ZYG11B: variants seen among roughly 807,000 people sequenced by gnomAD.
ZYG11B encodes the protein protein zyg-11 homolog B.
Under a neutral mutation model 82.4 loss-of-function variants are expected in ZYG11B, and 36 were observed. The observed-to-expected ratio is 0.44, with a 90% CI of 0.33 to 0.58. The LOEUF is 0.58. Ranked by LOEUF, ZYG11B falls within the 20% of genes least tolerant of loss-of-function variation. ZYG11B has a pLI of 0.02. For missense variants in ZYG11B, 552 were observed against 895.6 expected (o/e 0.62, Z 4.90); for synonymous variants, 303 against 312.8 (o/e 0.97, Z 0.33).
chr1:52,728,979 T>A (rs969682900), intron 1 of ZYG11B, among the ~76,000 whole-genome samples: 2 of 152,184 alleles, frequency 1.3e-5, no homozygotes, highest in African/African-American at 4.8e-5. Context: ...GAAATGAGGC[T>A]AGCAAGATAC....
At chr1:52,753,107 A>G (rs890158781) in intron 1 of ZYG11B, among the ~76,000 whole-genome samples, 3 of 152,110 alleles carry the variant, frequency 2.0e-5, no homozygotes, top group Admixed American at 6.6e-5. Flanking sequence ...CGGCCTCCCA[A>G]ACTTCTAGGA....
intron 10 of ZYG11B, among the ~76,000 whole-genome samples, chr1:52,810,805 C>T (rs1645175778): frequency 6.6e-6 from 1 of 152,042 alleles, no homozygotes; most frequent in Admixed American, 6.6e-5. Flanking sequence ...GAGGCCAAGG[C>T]GGGCGGATCA....
chr1:52,796,163 C>T, intron 6 of ZYG11B, 129 bp from the exon 7 acceptor site: 1 of 608,578 alleles, frequency 1.6e-6, no homozygotes, highest in East Asian at 2.8e-5. Context: ...TTGTTACTCT[C>T]TACCAGTTAA....
At chr1:52,736,124 C>T (rs764103020) in intron 1 of ZYG11B, among the ~76,000 whole-genome samples, 6 of 152,114 alleles carry the variant, frequency 3.9e-5, no homozygotes, top group Non-Finnish European at 8.8e-5. Context: ...AGTGGTCTTA[C>T]AGGGCTGCTG....
intron 1 of ZYG11B, among the ~76,000 whole-genome samples, chr1:52,735,230 T>G (rs992543253): frequency 3.3e-5 from 5 of 151,814 alleles, no homozygotes; most frequent in Admixed American, 6.6e-5. Flanking sequence ...GGTTTCTCCA[T>G]GTTGGTCAGG....
At chr1:52,776,229 A>AAAAATATATATATAT in intron 3 of ZYG11B, among the ~76,000 whole-genome samples, 3 of 23,528 alleles carry the variant, frequency 1.3e-4, no homozygotes, top group East Asian at 6.7e-4. Context: ...TAAAAAAAAA[A>AAAAATATATATATAT]ATATATATAT....
chr1:52,797,402 A>AT (rs1491579360), intron 8 of ZYG11B, among the ~76,000 whole-genome samples: 10 of 71,236 alleles, frequency 1.4e-4, no homozygotes, highest in African/African-American at 4.9e-4. Flanking sequence ...ATCATATATG[A>AT]AATATATATC....
intron 3 of ZYG11B, among the ~76,000 whole-genome samples, chr1:52,774,003 A>G (rs1644781780): frequency 2.0e-5 from 3 of 151,992 alleles, no homozygotes; most frequent in East Asian, 1.9e-4. Context: ...CTCAGTAGAG[A>G]GCATTCCAGG....
chr1:52,758,113 C>T (rs924506795), intron 2 of ZYG11B, among the ~76,000 whole-genome samples: 13 of 149,608 alleles, frequency 8.7e-5, no homozygotes, highest in African/African-American at 2.5e-4. Context: ...GCAGGAGAAT[C>T]GCTTGAATCC....
Position 52,826,744 on chromosome 1 carries a change from A to C in ZYG11B, c.*5115A>C, listed in dbSNP as rs1156694655. On this transcript the variant is annotated 3_prime_UTR_variant, in exon 14 of 14. Transcript: ENST00000294353. ...AACTTTACAGCTAGACAGAATGGCC[A>C]TTAAGAATATTTCCAAAATCCAAGT... is the stretch of plus-strand genomic sequence containing the variant. The C allele has an allele frequency of 6.6e-6, 1 of 152,228 alleles. No homozygotes were observed. Among genetic ancestry groups the C allele is most frequent in the Non-Finnish European group, 1.5e-5 (1 of 68,046 alleles). 9.4% of individuals were successfully genotyped at this position (152,228 alleles called of 1,614,324 possible).
At chr1:52,772,295 C>CT (rs1644759744) in intron 3 of ZYG11B, 2 of 1,353,372 alleles carry the variant, frequency 1.5e-6, no homozygotes, top group East Asian at 2.3e-5. Flanking sequence ...ATCTGGCTCT[C>CT]TATCAGAATC....
At chr1:52,817,797 A>ATG (rs1645243419) in intron 13 of ZYG11B, among the ~76,000 whole-genome samples, 2 of 50,036 alleles carry the variant, frequency 4.0e-5, no homozygotes, top group East Asian at 4.2e-4. Flanking sequence ...ATATATATAT[A>ATG]TATATATATA....
rs1645318191 is a variant in ZYG11B at position 52,825,611 on chromosome 1, G to A, written c.*3982G>A. 1 of 139,012 alleles carries A rather than the reference G, an allele frequency of 7.2e-6. No individual in the cohort carries two copies. Among genetic ancestry groups the A allele is most frequent in the South Asian group, 2.3e-4 (1 of 4,382 alleles). The allele number at this position is 139,012 out of a possible 1,614,324, so 8.6% of individuals were successfully genotyped here. A position where few individuals can be genotyped will look rare whatever the true frequency, so the allele number is the denominator to read the frequency against. Reference sequence around the variant, plus strand: ...GTTGCCCTTACAGGTGGGACCTTTTGTGTTAATCTGTTTTCTCCCCAGTCA... The same window carrying A: ...GTTGCCCTTACAGGTGGGACCTTTTATGTTAATCTGTTTTCTCCCCAGTCA... On this transcript the variant is annotated 3_prime_UTR_variant, in exon 14 of 14. Transcript: ENST00000294353.
In ZYG11B at chr1:52,819,785, G is replaced by GAAAA. The variant is rs199588657; in HGVS notation, c.2045-1648_2045-1645dup. Among the ~76,000 whole-genome samples the GAAAA allele has an allele frequency of 2.3e-5, 3 of 129,254 alleles. No homozygotes were observed. In the South Asian group the frequency reaches 7.3e-4, roughly 32 times the overall value. The allele number at this position is 129,254 out of a possible 152,430, so 84.8% of individuals were successfully genotyped here. A position where few individuals can be genotyped will look rare whatever the true frequency, so the allele number is the denominator to read the frequency against. ...TGGGCGACAGAGTGAGACTCTGTCT[G>GAAAA]AAAAAAAAATAATAATAATAATAAT... is the stretch of plus-strand genomic sequence containing the variant. On this transcript the variant is annotated intron_variant, in intron 13 of 13. Coordinates refer to ENST00000294353, the MANE Select transcript of ZYG11B (RefSeq NM_024646.3).
intron 3 of ZYG11B, among the ~76,000 whole-genome samples, chr1:52,776,229 A>AAAAAAAAAAAATATAT: frequency 1.7e-4 from 4 of 23,536 alleles, no homozygotes; most frequent in Admixed American, 8.1e-4. Flanking sequence ...TAAAAAAAAA[A>AAAAAAAAAAAATATAT]ATATATATAT....
chr1:52,780,853 T>G lies in ZYG11B; in HGVS notation c.1092+860T>G, dbSNP rs946173477. On this transcript the variant is annotated intron_variant, in intron 4 of 13. Transcript: ENST00000294353. ...ATGCTTTGGGCAACATTTATCAAAA[T>G]GTGGTCCTTTGGGCCAGGACGCAGT... Among the ~76,000 whole-genome samples, 8 of 152,306 alleles carry G rather than the reference T, an allele frequency of 5.3e-5. No individual in the cohort carries two copies. The East Asian group carries it at 1.5e-3, about 29-fold the overall frequency.
In ZYG11B at chr1:52,767,307, T is replaced by C. The variant is rs12407081; in HGVS notation, c.197-3713T>C. 3.9e-3 allele frequency among the ~76,000 whole-genome samples: 582 copies of C among 150,446 alleles called. 3 individuals carry two copies. Among genetic ancestry groups the C allele is most frequent in the Non-Finnish European group, 6.9e-3 (469 of 67,584 alleles). On this transcript the variant is annotated intron_variant, in intron 2 of 13. Coordinates refer to ENST00000294353, the MANE Select transcript of ZYG11B (RefSeq NM_024646.3). ...TATGTTATGTTGTTATTTTATTTTA[T>C]GTTATGTTATATTTGAGGTGGAGTT... is the stretch of plus-strand genomic sequence containing the variant.
intron 8 of ZYG11B, among the ~76,000 whole-genome samples, chr1:52,798,389 G>A (rs1645046188): frequency 6.6e-6 from 1 of 152,116 alleles, no homozygotes; most frequent in Non-Finnish European, 1.5e-5. Flanking sequence ...CAAGGCAGGA[G>A]GGTTGCTTGA....
At chr1:52,774,609 A>ATTTTTTTTTTTTT (rs35043109) in intron 3 of ZYG11B, among the ~76,000 whole-genome samples, 3 of 111,142 alleles carry the variant, frequency 2.7e-5, no homozygotes, top group African/African-American at 9.7e-5. Context: ...GCCTGGCCTA[A>ATTTTTTTTTTTTT]TTTTTTTTTT....
Sources: gnomAD v4.1 joint callset for allele counts (sites outside exome capture counted in the v4.1 genomes callset) on GRCh38, gnomAD v4.1.1 for gene constraint, MANE v1.5 for transcripts, NCBI Gene and HGNC (gene_info 2026-07-23, HGNC 2026-07-21) for gene names.